Variants in EVL observed in about 807,000 individuals in gnomAD.
EVL encodes the protein ena/VASP-like protein.
In EVL, 21 loss-of-function variants were observed where a neutral mutation model predicts 59.6. That is an observed-to-expected ratio of 0.35 (90% CI 0.25 to 0.51). The LOEUF (loss-of-function observed/expected upper bound fraction) is 0.51. Among genes scored for constraint, EVL ranks in the 20% least tolerant of loss-of-function variants. The pLI is 0.97. For synonymous variants in EVL, 198 were observed against 203.5 expected, an observed-to-expected ratio of 0.97 and a Z score of 0.23; for missense variants, 462 against 546.6, an observed-to-expected ratio of 0.85 and a Z score of 1.54.
chr14:100,090,294 T>G (rs1267238374), intron 2 of EVL, among the ~76,000 whole-genome samples: 2 of 152,108 alleles, frequency 1.3e-5, no homozygotes, highest in Non-Finnish European at 2.9e-5. Flanking sequence ...ACTAAAAACA[T>G]AGAATATCGT....
intron 1 of EVL, among the ~76,000 whole-genome samples, chr14:99,994,571 G>A (rs765322000): frequency 6.6e-6 from 1 of 151,830 alleles, no homozygotes; most frequent in Non-Finnish European, 1.5e-5. Context: ...TGTCCACCCC[G>A]TTATGTTATT....
At position 100,130,957 on chromosome 14, in the gene EVL, C is replaced by T. The variant is rs1273468215; in HGVS notation, c.839+1273C>T. Among the ~76,000 whole-genome samples, 1 of 152,308 alleles carries T rather than the reference C, an allele frequency of 6.6e-6. No homozygotes were observed. Among genetic ancestry groups the T allele is most frequent in the African/African-American group, 2.4e-5 (1 of 41,562 alleles). On this transcript the variant is annotated intron_variant, in intron 7 of 13. Coordinates refer to ENST00000392920, the MANE Select transcript of EVL (RefSeq NM_016337.3). This position sits in a 1 kb window ranked among gnomAD's most constrained non-coding sequence, Gnocchi z 4.8. Reference sequence around the variant, plus strand: ...GTGGCCACACAAAGGCGAATGGCTCCGTGGGTGAGAGAGCCGGGAGGGCTC... The same window carrying T: ...GTGGCCACACAAAGGCGAATGGCTCTGTGGGTGAGAGAGCCGGGAGGGCTC...
rs369212683 is a variant in EVL at position 100,040,152 on chromosome 14, C to T, written c.6-44535C>T. On this transcript the variant is annotated intron_variant, in intron 1 of 13. Coordinates refer to the EVL transcript ENST00000402714. ...GTGGCACTTGGACAGCCTTAGCAAA[C>T]GGCTCAATGCACAGTGATCCTGTTA... Among the ~76,000 whole-genome samples, 132 of 152,362 alleles carry T rather than the reference C, an allele frequency of 8.7e-4. No individual in the cohort carries two copies. The South Asian group carries it at 0.011, about 13-fold the overall frequency.
chr14:100,066,061 A>G (rs1053782785), intron 1 of EVL, among the ~76,000 whole-genome samples: 1 of 152,090 alleles, frequency 6.6e-6, no homozygotes, highest in Non-Finnish European at 1.5e-5. Context: ...CGCACTCCTC[A>G]TTGAGATTGT....
At chr14:99,991,761 A>G (rs1369665126) in intron 1 of EVL, among the ~76,000 whole-genome samples, 2 of 152,226 alleles carry the variant, frequency 1.3e-5, no homozygotes, top group African/African-American at 4.8e-5. Context: ...AGGGTTAAGA[A>G]TACAGTATAT....
intron 1 of EVL, among the ~76,000 whole-genome samples, chr14:100,041,049 TTAA>T (rs1333278742): frequency 6.6e-6 from 1 of 152,196 alleles, no homozygotes; most frequent in Non-Finnish European, 1.5e-5. Context: ...TGATGTTATA[TTAA>T]TAATATATTA....
intron 1 of EVL, among the ~76,000 whole-genome samples, chr14:100,035,296 T>C (rs1165452332): frequency 1.3e-5 from 2 of 152,096 alleles, no homozygotes; most frequent in African/African-American, 4.8e-5. Context: ...AACAAATGTT[T>C]TGCATAGTTC....
intron 1 of EVL, among the ~76,000 whole-genome samples, chr14:100,038,661 G>T (rs939572247): frequency 1.3e-5 from 2 of 152,138 alleles, no homozygotes; most frequent in African/African-American, 2.4e-5. Context: ...ACAGAATAAT[G>T]CTAGAACTTC....
intron 7 of EVL, among the ~76,000 whole-genome samples, 196 bp from the exon 8 acceptor site, chr14:100,132,523 G>A (rs1013942626): frequency 3.3e-5 from 5 of 152,132 alleles, no homozygotes; most frequent in Admixed American, 2.0e-4. Context: ...ATGACCACAC[G>A]GAGGGCCTGG....
intron 3 of EVL, among the ~76,000 whole-genome samples, chr14:100,122,051 G>T (rs1489247373): frequency 6.6e-6 from 1 of 152,242 alleles, no homozygotes; most frequent in Non-Finnish European, 1.5e-5. Flanking sequence ...CCTGTGCCAA[G>T]CTCACAGCAG....
intron 7 of EVL, among the ~76,000 whole-genome samples, chr14:100,129,936 C>T (rs1888325791): frequency 6.6e-6 from 1 of 152,232 alleles, no homozygotes; most frequent in South Asian, 2.1e-4. Flanking sequence ...TACCATGTAC[C>T]AGCCCTGTCC....
At chr14:100,022,543 G>A (rs1223865222) in intron 1 of EVL, among the ~76,000 whole-genome samples, 1 of 152,154 alleles carries the variant, frequency 6.6e-6, no homozygotes, top group Admixed American at 6.5e-5. Context: ...GCCCCCAGAA[G>A]TGCTGGGTTT....
chr14:99,986,217 G>T (rs971681180), intron 1 of EVL, among the ~76,000 whole-genome samples: 1 of 150,620 alleles, frequency 6.6e-6, no homozygotes, highest in African/African-American at 2.5e-5. Flanking sequence ...GCTTGAACCT[G>T]GGAGGTGGAG....
intron 1 of EVL, among the ~76,000 whole-genome samples, chr14:100,048,786 C>T (rs1195037230): frequency 1.3e-5 from 2 of 152,314 alleles, no homozygotes; most frequent in East Asian, 3.9e-4. Context: ...ACTAACACAA[C>T]AGCTCGGATG....
chr14:100,137,543 C>G lies in EVL; in HGVS notation c.965-35C>G, dbSNP rs372784901. On this transcript the variant is annotated intron_variant, in intron 9 of 13. Transcript: ENST00000392920. ...TGGGGTGGCTACTGAGTCCCTTCAC[C>G]TGTGAGGTTCTTCATCCATGAAATG... 3 of 1,610,918 alleles carry G rather than the reference C, an allele frequency of 1.9e-6. No individual in the cohort carries two copies. The African/African-American group carries it at 4.0e-5, about 22-fold the overall frequency.
At chr14:100,030,341 A>T (rs2061294011) in intron 1 of EVL, among the ~76,000 whole-genome samples, 1 of 152,008 alleles carries the variant, frequency 6.6e-6, no homozygotes, top group Admixed American at 6.6e-5. Context: ...ACCTCAGGTG[A>T]TCCGCCTGCC....
In EVL at chr14:100,138,065, C is replaced by G. The variant is rs140922932; in HGVS notation, c.1094+263C>G. Reference sequence around the variant, plus strand: ...GTGCAGGGGGGGGCCAACATGGAGTCCCAGCTCTGGACTCACTACGTGTGA... The same window carrying G: ...GTGCAGGGGGGGGCCAACATGGAGTGCCAGCTCTGGACTCACTACGTGTGA... On this transcript the variant is annotated intron_variant, in intron 11 of 13. Coordinates refer to ENST00000392920, the MANE Select transcript of EVL (RefSeq NM_016337.3). 1.1e-3 allele frequency: 640 copies of G among 576,532 alleles called. 7 individuals carry two copies. In the East Asian group the frequency reaches 0.018, roughly 16 times the overall value. The allele number at this position is 576,532 out of a possible 1,614,324, so 35.7% of individuals were successfully genotyped here. A position where few individuals can be genotyped will look rare whatever the true frequency, so the allele number is the denominator to read the frequency against.
chr14:100,141,457 T>C (rs553937163), intron 12 of EVL, among the ~76,000 whole-genome samples: 2 of 152,286 alleles, frequency 1.3e-5, no homozygotes, highest in Admixed American at 6.5e-5. Flanking sequence ...TCCCTCAACC[T>C]TTCTGGGCAC....
intron 1 of EVL, among the ~76,000 whole-genome samples, chr14:100,028,137 T>TGTTTG (rs1555413983): frequency 0.059 from 7,738 of 130,874 alleles, 251 homozygotes; most frequent in African/African-American, 0.1. Context: ...TTTGTTTGTT[T>TGTTTG]TTTTTTTTTT....
Sources: allele counts gnomAD v4.1 joint callset (sites outside exome capture counted in the v4.1 genomes callset), GRCh38; gene constraint gnomAD v4.1.1; non-coding constraint Gnocchi (gnomAD v3.1); transcripts MANE v1.5; gene names NCBI Gene and HGNC (gene_info 2026-07-23, HGNC 2026-07-21).